The following SVIL variants were observed in gnomAD, a reference collection of about 807,000 sequenced individuals.
SVIL encodes archvillin.
Under a neutral mutation model 240.4 loss-of-function variants are expected in SVIL, and 101 were observed. The observed-to-expected ratio is 0.42, with a 90% CI of 0.36 to 0.50. The LOEUF (loss-of-function observed/expected upper bound fraction) is 0.50. Ranked by LOEUF, SVIL falls within the 20% of genes least tolerant of loss-of-function variation. The pLI, the probability that SVIL is intolerant of heterozygous loss-of-function variation, is 0.01. For synonymous variants in SVIL, 999 were observed against 1,100.0 expected (o/e 0.91, Z 1.82); for missense variants, 2,512 against 2,818.7 (o/e 0.89, Z 2.46).
chr10:29,627,685 C>T (rs759532177), intron 1 of SVIL, among the ~76,000 whole-genome samples: 61 of 152,196 alleles, frequency 4.0e-4, no homozygotes, highest in Non-Finnish European at 8.4e-4. Flanking sequence ...TCTCTGATGC[C>T]TCTGGAGTGA....
At position 29,523,588 on chromosome 10, in the gene SVIL, G is replaced by A. The variant is rs148847422; in HGVS notation, c.3026C>T (p.Thr1009Ile). 2.0e-5 allele frequency: 32 copies of A among 1,614,172 alleles called. No homozygotes were observed. The Admixed American group carries it at 2.3e-4, about 12-fold the overall frequency. ...GSLERANPPI[T>I]HLGDEPKEFS... ...TTCCTTCGGTTCATCCCCGAGGTGGGTGATGGGAGGGTTCGCCCGTTCCAG... is the reference window on the plus strand; with the variant it reads ...TTCCTTCGGTTCATCCCCGAGGTGGATGATGGGAGGGTTCGCCCGTTCCAG... Residue 1009 changes from threonine to isoleucine, a missense_variant, in exon 15 of 38, where the codon ACC becomes ATC. Thr to Ile is a moderately conservative substitution (Grantham distance 89). Coordinates refer to ENST00000355867, the MANE Select transcript of SVIL (RefSeq NM_021738.3).
chr10:29,726,288 G>A (rs891039528), intron 1 of SVIL, among the ~76,000 whole-genome samples: 1 of 152,152 alleles, frequency 6.6e-6, no homozygotes, highest in Non-Finnish European at 1.5e-5. Context: ...TGCAGAGATA[G>A]GGATGGTTAG....
rs190487293 is a variant in SVIL at position 29,591,292 on chromosome 10, A to G, written c.-200-21980T>C. On this transcript the variant is annotated intron_variant, in intron 1 of 37. Transcript: ENST00000355867. Reference sequence around the variant, plus strand: ...GCTGTCATTCTCACCTTGACCTCCCAGGCAGGTCCAGAACTTTCTACCCCA... The same window carrying G: ...GCTGTCATTCTCACCTTGACCTCCCGGGCAGGTCCAGAACTTTCTACCCCA... Among the ~76,000 whole-genome samples, 10 of 152,302 alleles carry G rather than the reference A, an allele frequency of 6.6e-5. No homozygotes were observed. In the East Asian group the frequency reaches 1.7e-3, roughly 26 times the overall value.
At chr10:29,480,463 T>C (rs572648504) in intron 29 of SVIL, 74 bp downstream of exon 29, 54 of 1,569,250 alleles carry the variant, frequency 3.4e-5, no homozygotes, top group Admixed American at 1.9e-4. Context: ...ACAGGGTTCA[T>C]TGGAGAAGCT....
intron 1 of SVIL, among the ~76,000 whole-genome samples, chr10:29,596,484 A>C (rs1403751739): frequency 6.6e-6 from 1 of 152,144 alleles, no homozygotes; most frequent in Non-Finnish European, 1.5e-5. Flanking sequence ...AAAAGAAAAA[A>C]AAATTATTTG....
At chr10:29,636,753 AG>A (rs1461408854), upstream of SVIL, among the ~76,000 whole-genome samples, 23 of 152,226 alleles carry the variant, frequency 1.5e-4, no homozygotes, top group African/African-American at 5.5e-4. Flanking sequence ...ACTGATCTAC[AG>A]ATTAACAAAA....
chr10:29,682,523 G>A (rs959561105), intron 2 of SVIL, among the ~76,000 whole-genome samples: 15 of 152,144 alleles, frequency 9.9e-5, no homozygotes, highest in African/African-American at 3.4e-4. Context: ...GATCAGTGAG[G>A]AGATACCCTT....
Position 29,598,240 on chromosome 10 carries a change from C to T in SVIL, c.-200-28928G>A, listed in dbSNP as rs558986912. On this transcript the variant is annotated intron_variant, in intron 1 of 37. Coordinates refer to ENST00000355867, the MANE Select transcript of SVIL (RefSeq NM_021738.3). The stretch of plus-strand genomic sequence containing the variant: ...GGCTGGGGGAATGGGAAGTTTAATA[C>T]GTATAGAGTTTCAGTTTTCCAAGAT... 5.9e-5 allele frequency among the ~76,000 whole-genome samples: 9 copies of T among 152,212 alleles called. No individual in the cohort carries two copies. In the East Asian group the frequency reaches 7.7e-4, roughly 13 times the overall value.
At chr10:29,678,921 G>T (rs753585892) in intron 2 of SVIL, among the ~76,000 whole-genome samples, 4 of 152,118 alleles carry the variant, frequency 2.6e-5, no homozygotes, top group Non-Finnish European at 2.9e-5. Flanking sequence ...AAAACACCTG[G>T]GTGGCCAGGC....
Position 29,550,729 on chromosome 10 carries a change from A to T in SVIL, c.695T>A (p.Phe232Tyr). 1 of 1,614,134 alleles carries T rather than the reference A, an allele frequency of 6.2e-7. No homozygotes were observed. Among genetic ancestry groups the T allele is most frequent in the Non-Finnish European group, 8.5e-7 (1 of 1,180,018 alleles). Reference protein sequence around the residue: ...PAAESSSTFSFSGRDSSFTEV... With the variant: ...PAAESSSTFSYSGRDSSFTEV... ...AGTGAAGGAGGAGTCTCGCCCAGAG[A>T]AAGAGAAGGTCGAGGAACTCTCGGC... is the stretch of plus-strand genomic sequence containing the variant. The change falls in exon 6 of 38, where the codon TTC becomes TAC. Residue 232 changes from phenylalanine to tyrosine, a missense_variant. This residue lies in a region of SVIL where 1,443 missense variants were observed against 1,486.6 expected (regional missense o/e 0.97). Transcript: ENST00000355867.
Position 29,712,466 on chromosome 10 carries a change from A to T in SVIL, c.-400+23285T>A, listed in dbSNP as rs147296410. On this transcript the variant is annotated intron_variant, in intron 1 of 35. Coordinates refer to the SVIL transcript ENST00000375400. ...CTCTTGCCTTCTCTCTCGCTATCTGATCTCTGCACATGCCAGCTCCTCTCT... is the reference window on the plus strand; with the variant it reads ...CTCTTGCCTTCTCTCTCGCTATCTGTTCTCTGCACATGCCAGCTCCTCTCT... 1.0e-2 allele frequency among the ~76,000 whole-genome samples: 1,519 copies of T among 152,212 alleles called. 34 individuals carry two copies. The highest frequency in any genetic ancestry group is 0.034 in the African/African-American group (1,400 of 41,512).
rs1346567217 is a variant in SVIL at position 29,523,515 on chromosome 10, G to A, written c.3099C>T (p.Asp1033=). Residue 1033 remains aspartate, a synonymous_variant, in exon 15 of 38, where the codon GAC becomes GAT. Coordinates refer to ENST00000355867, the MANE Select transcript of SVIL (RefSeq NM_021738.3). ...CCACCTTCTCTTCAAAGGGCAGCCT[G>A]TCCCTCAAGTCCAAGTTTCCTTGTG... ...MNAQGNLDLR[D]RLPFEEKVEV... The A allele has an allele frequency of 1.9e-6, 3 of 1,613,930 alleles. No homozygotes were observed. The highest frequency in any genetic ancestry group is 8.5e-7 in the Non-Finnish European group (1 of 1,180,002).
chr10:29,587,122 A>T (rs1281409118), intron 1 of SVIL, among the ~76,000 whole-genome samples: 1 of 152,280 alleles, frequency 6.6e-6, no homozygotes, highest in East Asian at 1.9e-4. Flanking sequence ...CAAGCTACGC[A>T]GTGAAGAAAG....
At chr10:29,566,849 C>T (rs569114573) in intron 2 of SVIL, among the ~76,000 whole-genome samples, 3 of 152,224 alleles carry the variant, frequency 2.0e-5, no homozygotes, top group African/African-American at 7.2e-5. Context: ...CCTCAGTCAC[C>T]CCTCAACCCC....
In SVIL at chr10:29,675,783, G is replaced by A. The variant is rs79086066; in HGVS notation, c.-301+10770C>T. Among the ~76,000 whole-genome samples the A allele has an allele frequency of 5.2e-3, 787 of 152,290 alleles. 11 individuals carry two copies. The East Asian group carries it at 0.057, about 11-fold the overall frequency. ...AAGACTTGTTCATGATAGTAAAGAT[G>A]TATTCATGGGTATCTTATTGCTACA... On this transcript the variant is annotated intron_variant, in intron 2 of 35. Coordinates refer to the SVIL transcript ENST00000375400.
At position 29,522,978 on chromosome 10, in the gene SVIL, T is replaced by G. The variant is rs141796272; in HGVS notation, c.3164-343A>C. Among the ~76,000 whole-genome samples, 508 of 152,304 alleles carry G rather than the reference T, an allele frequency of 3.3e-3. 3 individuals are homozygous for G. The highest frequency in any genetic ancestry group is 3.2e-3 in the Non-Finnish European group (221 of 68,022). On this transcript the variant is annotated intron_variant, in intron 15 of 37. Coordinates refer to ENST00000355867, the MANE Select transcript of SVIL (RefSeq NM_021738.3). ...TACTCACAAACGCAAACCCCTATTA[T>G]AACTTACACTGTACTGTTTCATACA...
At chr10:29,705,238 C>T (rs78175449) in intron 1 of SVIL, among the ~76,000 whole-genome samples, 2,287 of 152,132 alleles carry the variant, frequency 0.015, 41 homozygotes, top group East Asian at 0.092. Context: ...ACTTTATTCA[C>T]GGACAAAAGG....
intron 36 of SVIL, among the ~76,000 whole-genome samples, chr10:29,460,133 C>CTGAG (rs1944069596): frequency 1.3e-5 from 2 of 152,232 alleles, no homozygotes; most frequent in Admixed American, 1.3e-4. Context: ...TTGCCTGCGT[C>CTGAG]TGAGTACTGA....
chr10:29,729,989 A>T (rs1436308723), intron 1 of SVIL, among the ~76,000 whole-genome samples: 1 of 151,540 alleles, frequency 6.6e-6, no homozygotes, highest in Non-Finnish European at 1.5e-5. Flanking sequence ...AGGGAGCTCG[A>T]GACCAGCCTG....
Sources: allele counts gnomAD v4.1 joint callset (sites outside exome capture counted in the v4.1 genomes callset), GRCh38; gene constraint gnomAD v4.1.1; regional missense constraint gnomAD v4.1.1; transcripts MANE v1.5; gene names NCBI Gene and HGNC (gene_info 2026-07-23, HGNC 2026-07-21).